Variants in LTBP1 observed in about 807,000 individuals in gnomAD.
LTBP1 encodes the protein latent-transforming growth factor beta-binding protein 1.
In LTBP1, 129 loss-of-function variants were observed where a neutral mutation model predicts 207.6. The observed-to-expected ratio is 0.62, with a 90% confidence interval of 0.54 to 0.72. LTBP1 has a LOEUF of 0.72. LTBP1 is among the 30% of genes least tolerant of loss of function. The pLI is 0.00. For missense variants in LTBP1, 2,281 were observed against 2,217.2 expected, an observed-to-expected ratio of 1.03 and a Z score of -0.58; for synonymous variants, 963 against 833.7, an observed-to-expected ratio of 1.16 and a Z score of -2.67.
chr2:33,241,000 T>C (rs1014577995), intron 9 of LTBP1, among the ~76,000 whole-genome samples: 8 of 152,338 alleles, frequency 5.3e-5, no homozygotes, highest in Middle Eastern at 3.4e-3. Context: ...CAAGTAGATA[T>C]GCAAAAATTC....
At chr2:33,218,992 C>T (rs11124310) in intron 8 of LTBP1, among the ~76,000 whole-genome samples, 61,101 of 152,016 alleles carry the variant, frequency 0.4, 13,285 homozygotes, top group Non-Finnish European at 0.49. Context: ...TATTCCATAT[C>T]TCTTTCTTAC....
chr2:33,035,424 A>T (rs1476236485), intron 3 of LTBP1, among the ~76,000 whole-genome samples: 1 of 152,246 alleles, frequency 6.6e-6, no homozygotes, highest in African/African-American at 2.4e-5. Flanking sequence ...TTATCTTTTC[A>T]TAGGCTAAAC....
intron 26 of LTBP1, among the ~76,000 whole-genome samples, chr2:33,354,682 A>G (rs539526563): frequency 3.1e-3 from 326 of 105,482 alleles, no homozygotes; most frequent in Non-Finnish European, 4.6e-3. Context: ...AACTAAAACT[A>G]TACACACACA....
chr2:33,244,988 C>G (rs1320414128), intron 10 of LTBP1, among the ~76,000 whole-genome samples: 1 of 152,188 alleles, frequency 6.6e-6, no homozygotes, highest in Non-Finnish European at 1.5e-5. Context: ...CAATGATTCT[C>G]CTACCTCAGC....
chr2:33,009,660 C>T (rs1250762327), intron 2 of LTBP1, among the ~76,000 whole-genome samples: 1 of 152,120 alleles, frequency 6.6e-6, no homozygotes, highest in Non-Finnish European at 1.5e-5. Context: ...TTCAGATTTC[C>T]AGCCTCCAGA....
At chr2:33,144,110 G>A (rs964874359) in intron 5 of LTBP1, among the ~76,000 whole-genome samples, 1 of 151,786 alleles carries the variant, frequency 6.6e-6, no homozygotes, top group South Asian at 2.1e-4. Flanking sequence ...TGGGGTAGAG[G>A]CGTTGAGAGA....
intron 7 of LTBP1, among the ~76,000 whole-genome samples, chr2:33,203,364 AGAG>A (rs2089532822): frequency 6.6e-6 from 1 of 152,126 alleles, no homozygotes; most frequent in South Asian, 2.1e-4. Flanking sequence ...CTGCCAGTGG[AGAG>A]GAGAACTGCT....
chr2:33,046,960 C>A (rs1436245317), intron 3 of LTBP1, among the ~76,000 whole-genome samples: 1 of 151,878 alleles, frequency 6.6e-6, no homozygotes, highest in Non-Finnish European at 1.5e-5. Context: ...TTGGTGATAT[C>A]CCTTTTATCA....
intron 4 of LTBP1, 34 bp downstream of exon 4, chr2:33,110,785 T>TA: frequency 6.3e-7 from 1 of 1,596,782 alleles, no homozygotes; most frequent in South Asian, 1.1e-5. Flanking sequence ...TTTCCCAAGT[T>TA]ATGGTATCAG....
At chr2:33,309,664 T>A (rs1253734476) in intron 23 of LTBP1, 108 bp downstream of exon 23, 1 of 1,287,510 alleles carries the variant, frequency 7.8e-7, no homozygotes, top group East Asian at 2.5e-5. Context: ...ATGTAAATAA[T>A]TTATGTCAAT....
chr2:33,029,893 C>T (rs891950893), intron 3 of LTBP1, among the ~76,000 whole-genome samples: 21 of 152,286 alleles, frequency 1.4e-4, no homozygotes, highest in African/African-American at 4.6e-4. Context: ...TAAAGATTCA[C>T]CTAAAACATA....
chr2:32,975,321 T>C (rs544080116), intron 2 of LTBP1, among the ~76,000 whole-genome samples: 11 of 152,154 alleles, frequency 7.2e-5, no homozygotes, highest in African/African-American at 2.7e-4. Flanking sequence ...ATTTATTTTA[T>C]GTTGATCTGG....
intron 24 of LTBP1, among the ~76,000 whole-genome samples, chr2:33,337,197 A>T (rs148328932): frequency 4.6e-5 from 7 of 152,202 alleles, no homozygotes; most frequent in African/African-American, 1.7e-4. Flanking sequence ...TTCGAGTTCT[A>T]CTCTAGTATG....
intron 24 of LTBP1, among the ~76,000 whole-genome samples, chr2:33,332,492 A>G (rs914738674): frequency 6.6e-6 from 1 of 151,500 alleles, no homozygotes; most frequent in Non-Finnish European, 1.5e-5. Context: ...GTGTTAATTA[A>G]TGTTAATATT....
At chr2:33,045,432 G>C (rs1480058687) in intron 3 of LTBP1, among the ~76,000 whole-genome samples, 1 of 152,116 alleles carries the variant, frequency 6.6e-6, no homozygotes, top group Non-Finnish European at 1.5e-5. Flanking sequence ...TAGATATGTG[G>C]CATTATTTCT....
intron 31 of LTBP1, among the ~76,000 whole-genome samples, chr2:33,376,546 C>T (rs2095141838): frequency 6.6e-6 from 1 of 152,240 alleles, no homozygotes; most frequent in South Asian, 2.1e-4. Flanking sequence ...GCCCTGCCCA[C>T]CATAGGATGC....
chr2:32,992,411 C>T (rs561512939), intron 2 of LTBP1, among the ~76,000 whole-genome samples: 1 of 152,196 alleles, frequency 6.6e-6, no homozygotes, highest in East Asian at 1.9e-4. Context: ...CCAGTGTGGA[C>T]AAAAGCCCAG....
chr2:32,985,682 T>C (rs1474879850), intron 2 of LTBP1, among the ~76,000 whole-genome samples: 1 of 152,248 alleles, frequency 6.6e-6, no homozygotes, highest in Non-Finnish European at 1.5e-5. Context: ...TGTTCATTGA[T>C]TCAAATAATA....
chr2:33,251,129 A>C (rs1055232270), intron 10 of LTBP1, among the ~76,000 whole-genome samples: 2 of 152,154 alleles, frequency 1.3e-5, no homozygotes, highest in Admixed American at 6.5e-5. Context: ...CACCTCTGCT[A>C]CTACTGGGGC....
Sources: allele counts gnomAD v4.1 joint callset (sites outside exome capture counted in the v4.1 genomes callset), GRCh38; gene constraint gnomAD v4.1.1; transcripts MANE v1.5; gene names NCBI Gene and HGNC (gene_info 2026-07-23, HGNC 2026-07-21).